Variants in OLR1 observed in about 807,000 individuals in gnomAD.
OLR1 encodes the protein oxidized low density lipoprotein receptor 1.
In OLR1, 23 loss-of-function variants were observed where a neutral mutation model predicts 31.7. The ratio of observed to expected loss-of-function variants is 0.72; its 90% confidence interval spans 0.52 to 1.03. The LOEUF is 1.03. OLR1 is among the 50% of genes least tolerant of loss of function. The pLI, the probability that OLR1 is intolerant of heterozygous loss-of-function variation, is 0.00. For missense variants in OLR1, 286 were observed against 315.7 expected (o/e 0.91, Z 0.71); for synonymous variants, 117 against 115.8 (o/e 1.01, Z -0.07).
At position 10,160,771 on chromosome 12, in the gene OLR1, T is replaced by C. The variant is rs761924125; in HGVS notation, c.564+15A>G. On this transcript the variant is annotated intron_variant, in intron 4 of 5. Coordinates refer to ENST00000309539, the MANE Select transcript of OLR1 (RefSeq NM_002543.4). ...AACCAATACTCCACCCCAACAAATA[T>C]CCATGAACACTCACCAGATCAGCTG... 6.2e-7 allele frequency: 1 copy of C among 1,611,920 alleles called. No homozygotes were observed. The highest frequency in any genetic ancestry group is 8.5e-7 in the Non-Finnish European group (1 of 1,178,174).
chr12:10,175,908 C>A (rs961656930), upstream of OLR1, among the ~76,000 whole-genome samples: 8 of 152,170 alleles, frequency 5.3e-5, no homozygotes, highest in Non-Finnish European at 4.4e-5. Context: ...ATCAGTGGAA[C>A]CAGAAGTAAG....
At chr12:10,171,903 C>T in intron 1 of OLR1, 99 bp downstream of exon 1, 1 of 809,556 alleles carries the variant, frequency 1.2e-6, no homozygotes, top group Non-Finnish European at 2.1e-6. Context: ...TTTTCCCATA[C>T]TTGGGTGTTT....
chr12:10,168,724 C>G lies in OLR1; in HGVS notation c.178+350G>C, dbSNP rs139945242. Among the ~76,000 whole-genome samples, 420 of 152,262 alleles carry G rather than the reference C, an allele frequency of 2.8e-3. 2 individuals are homozygous for G. Among genetic ancestry groups the G allele is most frequent in the African/African-American group, 9.3e-3 (386 of 41,546 alleles). On this transcript the variant is annotated intron_variant, in intron 2 of 5. Transcript: ENST00000309539. ...GGCCAGGCTGGTCTTGAACTCCTGA[C>G]CTCAGGTGGTCCACCCACCTTGGCC...
At chr12:10,164,460 C>A (rs1205869428) in intron 3 of OLR1, among the ~76,000 whole-genome samples, 1 of 152,154 alleles carries the variant, frequency 6.6e-6, no homozygotes, top group African/African-American at 2.4e-5. Flanking sequence ...TTCACTTTAT[C>A]CGGGTCTCAG....
chr12:10,175,003 T>C (rs546984719), upstream of OLR1, among the ~76,000 whole-genome samples: 3 of 152,328 alleles, frequency 2.0e-5, no homozygotes, highest in South Asian at 6.2e-4. Context: ...TTTGGGTTTA[T>C]CCTGTTTTTA....
upstream of OLR1, among the ~76,000 whole-genome samples, chr12:10,174,293 C>T (rs1948750389): frequency 6.6e-6 from 1 of 152,078 alleles, no homozygotes; most frequent in South Asian, 2.1e-4. Context: ...GAACTCCTGT[C>T]CTCAAGTGAT....
intron 5 of OLR1, 23 bp from the exon 6 acceptor site, chr12:10,160,044 CA>C (rs752893892): frequency 6.3e-7 from 1 of 1,580,812 alleles, no homozygotes; most frequent in East Asian, 2.3e-5. Flanking sequence ...AAAAACAAAA[CA>C]AACCAACAAA....
intron 3 of OLR1, among the ~76,000 whole-genome samples, chr12:10,164,633 A>C (rs1294403645): frequency 6.6e-6 from 1 of 152,200 alleles, no homozygotes; most frequent in Non-Finnish European, 1.5e-5. Context: ...ACAATAGGGC[A>C]CTAATTTACG....
intron 3 of OLR1, 25 bp from the exon 4 acceptor site, chr12:10,160,950 A>T (rs1247675770): frequency 1.2e-6 from 2 of 1,608,064 alleles, no homozygotes; most frequent in Non-Finnish European, 1.7e-6. Flanking sequence ...ATATCTCATC[A>T]GTCAGTTATG....
chr12:10,166,625 T>C lies in OLR1; in HGVS notation c.424+87A>G, dbSNP rs1448551482. 3.4e-6 allele frequency: 5 copies of C among 1,468,816 alleles called. No homozygotes were observed. The Admixed American group carries it at 7.0e-5, about 21-fold the overall frequency. The allele number at this position is 1,468,816 out of a possible 1,614,324, so 91.0% of individuals were successfully genotyped here. ...AATGATATGCATAACAATAGACCAATTTTGAGCCCAGAATTGTTTCCAAAA... is the reference window on the plus strand; with the variant it reads ...AATGATATGCATAACAATAGACCAACTTTGAGCCCAGAATTGTTTCCAAAA... On this transcript the variant is annotated intron_variant, in intron 3 of 5. Coordinates refer to ENST00000309539, the MANE Select transcript of OLR1 (RefSeq NM_002543.4).
chr12:10,161,945 A>ATATATAT (rs1555087097), intron 3 of OLR1, among the ~76,000 whole-genome samples: 3 of 79,552 alleles, frequency 3.8e-5, no homozygotes, highest in Non-Finnish European at 9.9e-5. Context: ...ATATATATAT[A>ATATATAT]AAAAACACAT....
At chr12:10,167,725 C>A (rs1287802164) in intron 2 of OLR1, 1 of 152,050 alleles carries the variant, frequency 6.6e-6, no homozygotes, top group Non-Finnish European at 1.5e-5. Flanking sequence ...TTTGAGACAG[C>A]CACGCACACT....
At position 10,160,894 on chromosome 12, in the gene OLR1, T is replaced by C; in HGVS notation, c.456A>G (p.Gly152=). The change falls in exon 4 of 6, where the codon GGA becomes GGG. Residue 152 remains glycine, a synonymous_variant. Coordinates refer to ENST00000309539, the MANE Select transcript of OLR1 (RefSeq NM_002543.4). The part of the protein sequence containing the change: ...APCPQDWIWH[G]ENCYLFSSGS... Reference sequence around the variant, plus strand: ...CCGAGGAAAATAGGTAACAGTTTTCTCCATGCCAGATCCAGTCTTGCGGAC... The same window carrying C: ...CCGAGGAAAATAGGTAACAGTTTTCCCCATGCCAGATCCAGTCTTGCGGAC... 6.2e-7 allele frequency: 1 copy of C among 1,614,182 alleles called. No homozygotes were observed. Among genetic ancestry groups the C allele is most frequent in the Non-Finnish European group, 8.5e-7 (1 of 1,180,002 alleles).
Position 10,159,287 on chromosome 12 carries a change from A to ATGTGTGTGTGTGTGTG in OLR1, c.*577_*592dup, listed in dbSNP as rs34435182. On this transcript the variant is annotated 3_prime_UTR_variant, in exon 6 of 6. Transcript: ENST00000309539. ...TCTTGGGCTCCCCACTTGTCCCAAA[A>ATGTGTGTGTGTGTGTG]TGTGTGTGTGTGTGTGTGTGTGTGT... 2 of 148,286 alleles carry ATGTGTGTGTGTGTGTG rather than the reference A, an allele frequency of 1.3e-5. No individual in the cohort carries two copies. The highest frequency in any genetic ancestry group is 5.0e-5 in the African/African-American group (2 of 39,958). The allele number at this position is 148,286 out of a possible 1,614,324, so 9.2% of individuals were successfully genotyped here.
intron 3 of OLR1, among the ~76,000 whole-genome samples, chr12:10,162,410 C>T (rs567400876): frequency 6.6e-6 from 1 of 152,222 alleles, no homozygotes; most frequent in South Asian, 2.1e-4. Flanking sequence ...ATACAAAACA[C>T]TAAGTTGATT....
chr12:10,159,912 A>G lies in OLR1; in HGVS notation c.790T>C (p.Cys264Arg), dbSNP rs1948605707. 4 of 1,613,782 alleles carry G rather than the reference A, an allele frequency of 2.5e-6. No individual in the cohort carries two copies. The highest frequency in any genetic ancestry group is 3.4e-6 in the Non-Finnish European group (4 of 1,179,948). ...GCTCTTAGGTTTGCCTTCTTCTGACATATACTGAAGGCAGCTAAAATGCAG... is the reference window on the plus strand; with the variant it reads ...GCTCTTAGGTTTGCCTTCTTCTGACGTATACTGAAGGCAGCTAAAATGCAG... ...ENCILAAFSI[C>R]QKKANLRAQ Residue 264 changes from cysteine (C) to arginine (R), a missense_variant, in exon 6 of 6, where the codon TGT becomes CGT. By Grantham distance (180) the Cys-to-Arg change is radical. Coordinates refer to ENST00000309539, the MANE Select transcript of OLR1 (RefSeq NM_002543.4).
intron 1 of OLR1, chr12:10,170,245 C>G (rs1228024734): frequency 6.6e-6 from 1 of 152,164 alleles, no homozygotes; most frequent in Non-Finnish European, 1.5e-5. Flanking sequence ...GTGTGTTAGA[C>G]TCCACAAATG....
chr12:10,171,470 A>G (rs1948716188), intron 1 of OLR1, among the ~76,000 whole-genome samples: 1 of 152,252 alleles, frequency 6.6e-6, no homozygotes, highest in African/African-American at 2.4e-5. Flanking sequence ...TATACTGAAT[A>G]TCATTTACTT....
In OLR1 at chr12:10,159,780, T is replaced by C; in HGVS notation, c.*100A>G. The C allele has an allele frequency of 1.6e-6, 2 of 1,244,438 alleles. No homozygotes were observed. The highest frequency in any genetic ancestry group is 1.1e-6 in the Non-Finnish European group (1 of 915,408). The allele number at this position is 1,244,438 out of a possible 1,614,324, so 77.1% of individuals were successfully genotyped here. A position where few individuals can be genotyped will look rare whatever the true frequency, so the allele number is the denominator to read the frequency against. On this transcript the variant is annotated 3_prime_UTR_variant, in exon 6 of 6. Transcript: ENST00000309539. ...AGTTCTGCAGCCAGCTAAATGACAGTTTTCTGGGCTCTCATGTTTGGCACC... is the reference window on the plus strand; with the variant it reads ...AGTTCTGCAGCCAGCTAAATGACAGCTTTCTGGGCTCTCATGTTTGGCACC...
Sources: gnomAD v4.1 joint callset for allele counts (sites outside exome capture counted in the v4.1 genomes callset) on GRCh38, gnomAD v4.1.1 for gene constraint, MANE v1.5 for transcripts, NCBI Gene and HGNC (gene_info 2026-07-23, HGNC 2026-07-21) for gene names.